PRKACB: variants seen among roughly 807,000 people sequenced by gnomAD.
The protein encoded by PRKACB is protein kinase cAMP-activated catalytic subunit beta.
In PRKACB, 16 loss-of-function variants were observed where a neutral mutation model predicts 51.4. The ratio of observed to expected loss-of-function variants is 0.31; its 90% CI spans 0.21 to 0.47. PRKACB has a LOEUF of 0.47. Among genes scored for constraint, PRKACB ranks in the 20% least tolerant of loss-of-function variants. The pLI, the probability that PRKACB is intolerant of heterozygous loss-of-function variation, is 1.00. For missense variants in PRKACB, 309 were observed against 464.5 expected (o/e 0.67, Z 3.08); for synonymous variants, 147 against 154.4 (o/e 0.95, Z 0.35).
In PRKACB at chr1:84,177,139, G is replaced by A. The variant is rs541797120; in HGVS notation, c.188-2038G>A. Among the ~76,000 whole-genome samples the A allele has an allele frequency of 3.3e-5, 5 of 152,056 alleles. No homozygotes were observed. In the East Asian group the frequency reaches 9.7e-4, roughly 30 times the overall value. Reference sequence around the variant, plus strand: ...TTATACTCATATAGGCATCTGGAGAGTTTATATTGCAACTTGATGTGCAAG... The same window carrying A: ...TTATACTCATATAGGCATCTGGAGAATTTATATTGCAACTTGATGTGCAAG... On this transcript the variant is annotated intron_variant, in intron 1 of 9. Coordinates refer to ENST00000370685, the MANE Select transcript of PRKACB (RefSeq NM_182948.4).
chr1:84,152,662 T>C (rs535994442), intron 1 of PRKACB, among the ~76,000 whole-genome samples: 1 of 152,316 alleles, frequency 6.6e-6, no homozygotes, highest in Non-Finnish European at 1.5e-5. Flanking sequence ...AGCTTCAGAC[T>C]TCTGCAACTT....
intron 1 of PRKACB, chr1:84,165,142 G>A: frequency 1.4e-6 from 1 of 723,186 alleles, no homozygotes; most frequent in South Asian, 2.8e-5. Context: ...TGACGCTTTT[G>A]TACTTAGGCA....
At chr1:84,126,663 T>A (rs1476291839) in intron 1 of PRKACB, among the ~76,000 whole-genome samples, 5 of 152,182 alleles carry the variant, frequency 3.3e-5, no homozygotes, top group East Asian at 1.9e-4. Context: ...GTGGCCCTCG[T>A]TGGGGTCTGC....
In PRKACB at chr1:84,229,139, T is replaced by A. The variant is rs572056588; in HGVS notation, c.1072-6041T>A. On this transcript the variant is annotated intron_variant, in intron 9 of 9. Transcript: ENST00000370685. ...ATGTTCCCCTTCCTGTGTCCATGTG[T>A]TCTCATTGTTCAGTTCCCACCTATG... Among the ~76,000 whole-genome samples the A allele has an allele frequency of 6.4e-3, 926 of 144,906 alleles. 6 individuals are homozygous for A. Among genetic ancestry groups the A allele is most frequent in the African/African-American group, 0.023 (871 of 38,532 alleles).
chr1:84,114,287 G>C (rs537071771), intron 1 of PRKACB, among the ~76,000 whole-genome samples: 1 of 152,192 alleles, frequency 6.6e-6, no homozygotes. Flanking sequence ...TACCATCCAG[G>C]CAAATTAGAA....
At chr1:84,173,472 A>G in intron 1 of PRKACB, 1 of 876,816 alleles carries the variant, frequency 1.1e-6, no homozygotes, top group Non-Finnish European at 1.8e-6. Context: ...AATTCTGTTT[A>G]CTGAAAATAT....
chr1:84,225,082 G>A (rs1167936770), intron 9 of PRKACB, among the ~76,000 whole-genome samples: 6 of 152,144 alleles, frequency 3.9e-5, no homozygotes, highest in Non-Finnish European at 7.4e-5. Flanking sequence ...CACTAGGAGG[G>A]GTGGCACTTA....
intron 1 of PRKACB, among the ~76,000 whole-genome samples, chr1:84,177,902 A>G (rs1661880043): frequency 6.6e-6 from 1 of 152,074 alleles, no homozygotes; most frequent in Middle Eastern, 3.2e-3. Flanking sequence ...TAAGTTTAAA[A>G]ATTCTTTTTC....
At chr1:84,108,788 C>T (rs753641649) in intron 1 of PRKACB, among the ~76,000 whole-genome samples, 2 of 151,962 alleles carry the variant, frequency 1.3e-5, no homozygotes, top group Non-Finnish European at 2.9e-5. Flanking sequence ...TATATTCTGA[C>T]AAAATTTGCT....
intron 9 of PRKACB, 47 bp from the exon 10 acceptor site, chr1:84,235,133 G>A: frequency 6.4e-7 from 1 of 1,564,318 alleles, no homozygotes; most frequent in Non-Finnish European, 8.7e-7. Flanking sequence ...AAACTCTCAG[G>A]AATTTTTTTT....
chr1:84,199,041 A>G (rs1467689787), intron 7 of PRKACB, among the ~76,000 whole-genome samples: 2 of 144,234 alleles, frequency 1.4e-5, no homozygotes, highest in Admixed American at 7.3e-5. Context: ...ATATACGCAT[A>G]TGTATGCATA....
At chr1:84,158,747 G>T (rs1655823358) in intron 1 of PRKACB, among the ~76,000 whole-genome samples, 1 of 151,938 alleles carries the variant, frequency 6.6e-6, no homozygotes, top group Non-Finnish European at 1.5e-5. Context: ...TGTATCTAAC[G>T]CAAGGTAATG....
chr1:84,182,714 T>C (rs1242622391), intron 3 of PRKACB, among the ~76,000 whole-genome samples: 1 of 152,044 alleles, frequency 6.6e-6, no homozygotes, highest in Non-Finnish European at 1.5e-5. Flanking sequence ...ATTTAAAGTA[T>C]ATGGACAGTG....
chr1:84,112,931 T>A (rs1650349823), intron 1 of PRKACB, among the ~76,000 whole-genome samples: 1 of 151,906 alleles, frequency 6.6e-6, no homozygotes, highest in Non-Finnish European at 1.5e-5. Flanking sequence ...CCTAAGGAGG[T>A]TAGTAGGAAA....
intron 9 of PRKACB, among the ~76,000 whole-genome samples, chr1:84,233,245 A>G (rs1415823707): frequency 1.3e-5 from 2 of 151,160 alleles, no homozygotes; most frequent in Non-Finnish European, 2.9e-5. Context: ...ATTGGCACCC[A>G]CTCTCTTCTG....
chr1:84,144,847 G>GA (rs1239328255), intron 1 of PRKACB, among the ~76,000 whole-genome samples: 2 of 151,930 alleles, frequency 1.3e-5, no homozygotes, highest in Non-Finnish European at 2.9e-5. Context: ...ACATAAAAAT[G>GA]AAATACTTAA....
intron 9 of PRKACB, among the ~76,000 whole-genome samples, chr1:84,234,477 G>C (rs982843370): frequency 1.3e-5 from 2 of 152,226 alleles, no homozygotes; most frequent in African/African-American, 4.8e-5. Flanking sequence ...GTTTACCTAA[G>C]CAAGCCTGGG....
chr1:84,189,966 A>G (rs1666263691), intron 5 of PRKACB, among the ~76,000 whole-genome samples: 1 of 151,892 alleles, frequency 6.6e-6, no homozygotes, highest in African/African-American at 2.4e-5. Context: ...CTATTTACAC[A>G]TAAAACTTTT....
intron 7 of PRKACB, among the ~76,000 whole-genome samples, chr1:84,202,207 G>A (rs985092662): frequency 4.6e-5 from 7 of 152,130 alleles, no homozygotes; most frequent in African/African-American, 1.7e-4. Flanking sequence ...CAAAAATATA[G>A]AGTATTTTGA....
Sources: allele counts gnomAD v4.1 joint callset (sites outside exome capture counted in the v4.1 genomes callset), GRCh38; gene constraint gnomAD v4.1.1; transcripts MANE v1.5; gene names NCBI Gene and HGNC (gene_info 2026-07-23, HGNC 2026-07-21).